SI: variants seen among roughly 807,000 people sequenced by gnomAD.
SI encodes sucrase-isomaltase, intestinal.
In SI, 235 loss-of-function variants were observed where a neutral mutation model predicts 253.3. That is an observed-to-expected ratio of 0.93 (90% CI 0.83 to 1.03). SI has a LOEUF of 1.03. Among genes scored for constraint, SI ranks in the 50% least tolerant of loss-of-function variants. The pLI, the probability that SI is intolerant of heterozygous loss-of-function variation, is 0.00. For missense variants in SI, 2,442 were observed against 2,211.1 expected (o/e 1.10, Z -2.09); for synonymous variants, 819 against 712.0 (o/e 1.15, Z -2.39).
intron 44 of SI, among the ~76,000 whole-genome samples, chr3:164,988,479 A>G (rs1379555224): frequency 6.6e-6 from 1 of 152,160 alleles, no homozygotes; most frequent in Non-Finnish European, 1.5e-5. Flanking sequence ...TCTCATAAAA[A>G]AATAAGGATT....
chr3:165,033,336 G>T lies in SI; in HGVS notation c.2565+59C>A, dbSNP rs541040355. 235 of 1,424,736 alleles carry T rather than the reference G, an allele frequency of 1.6e-4. 1 individual carries two copies. The highest frequency in any genetic ancestry group is 7.8e-4 in the Middle Eastern group (3 of 3,830). 88.3% of individuals were successfully genotyped at this position (1,424,736 alleles called of 1,614,324 possible). A position where few individuals can be genotyped will look rare whatever the true frequency, so the allele number is the denominator to read the frequency against. Reference sequence around the variant, plus strand: ...CTTTTCCAAAAAATTTATCATAAAAGAATAACCTAGGCATGAACAAATTAT... The same window carrying T: ...CTTTTCCAAAAAATTTATCATAAAATAATAACCTAGGCATGAACAAATTAT... On this transcript the variant is annotated intron_variant, in intron 23 of 47. Transcript: ENST00000264382.
In SI at chr3:165,023,733, T is replaced by C; in HGVS notation, c.2936A>G (p.Gln979Arg). The change falls in exon 26 of 48, where the codon CAA becomes CGA. Residue 979 changes from glutamine (Q) to arginine (R), a missense_variant. Transcript: ENST00000264382. ...SKAPECYFPR[Q>R]DNSYSVNSAR... ...TGAGTTGACTGAATAAGAGTTATCT[T>C]GTCTGGGAAAGTAACACTCAGGTGC... 6.2e-7 allele frequency: 1 copy of C among 1,610,644 alleles called. No individual in the cohort carries two copies. The highest frequency in any genetic ancestry group is 8.5e-7 in the Non-Finnish European group (1 of 1,177,770).
chr3:165,034,834 C>T (rs951645709), intron 22 of SI, among the ~76,000 whole-genome samples: 4 of 151,956 alleles, frequency 2.6e-5, no homozygotes, highest in Admixed American at 2.6e-4. Context: ...GATGCAATTA[C>T]TGGAATCACC....
intron 16 of SI, among the ~76,000 whole-genome samples, chr3:165,044,258 G>A (rs1260104737): frequency 6.6e-6 from 1 of 151,928 alleles, no homozygotes; most frequent in Non-Finnish European, 1.5e-5. Flanking sequence ...ACCCTGTATA[G>A]ATATCCTTGT....
At chr3:165,070,490 C>G (rs948620410) in intron 3 of SI, among the ~76,000 whole-genome samples, 2 of 150,818 alleles carry the variant, frequency 1.3e-5, no homozygotes, top group East Asian at 3.9e-4. Context: ...GTGTGTGCAA[C>G]TTTTGATCAG....
At chr3:165,077,043 A>G (rs144224230) in intron 1 of SI, among the ~76,000 whole-genome samples, 222 of 145,306 alleles carry the variant, frequency 1.5e-3, no homozygotes, top group African/African-American at 5.3e-3. Flanking sequence ...TCATGTACCC[A>G]GTTGTCCCAA....
At chr3:165,016,764 T>C (rs1719049976) in intron 31 of SI, among the ~76,000 whole-genome samples, 1 of 151,942 alleles carries the variant, frequency 6.6e-6, no homozygotes, top group Admixed American at 6.6e-5. Context: ...CAATTTCTTC[T>C]TCTATGTGTT....
intron 45 of SI, 41 bp from the exon 46 acceptor site, chr3:164,983,092 A>G (rs1016559838): frequency 1.3e-6 from 2 of 1,515,876 alleles, no homozygotes; most frequent in Admixed American, 3.5e-5. Context: ...TGTTATTTCC[A>G]AAGAAGAACC....
chr3:164,984,986 C>A (rs1456651400), intron 45 of SI, among the ~76,000 whole-genome samples: 1 of 151,994 alleles, frequency 6.6e-6, no homozygotes, highest in African/African-American at 2.4e-5. Context: ...CTAAATTATA[C>A]CAAATATACT....
intron 7 of SI, 29 bp from the exon 8 acceptor site, chr3:165,063,570 T>A: frequency 2.1e-6 from 2 of 967,282 alleles, no homozygotes; most frequent in Non-Finnish European, 3.3e-6. Flanking sequence ...AAAATACGAT[T>A]TTCAAATATG....
chr3:165,025,043 T>C (rs1711832812), intron 25 of SI, among the ~76,000 whole-genome samples: 1 of 151,202 alleles, frequency 6.6e-6, no homozygotes, highest in Non-Finnish European at 1.5e-5. Flanking sequence ...CCCAGCATGT[T>C]ATTTCCAACC....
At chr3:165,054,029 C>T (rs933090814) in intron 13 of SI, among the ~76,000 whole-genome samples, 1 of 151,968 alleles carries the variant, frequency 6.6e-6, no homozygotes, top group African/African-American at 2.4e-5. Flanking sequence ...TAATCCTTTA[C>T]CCAAATCCAT....
At chr3:164,989,779 A>G (rs1177270690) in intron 44 of SI, among the ~76,000 whole-genome samples, 2 of 152,214 alleles carry the variant, frequency 1.3e-5, no homozygotes, top group African/African-American at 2.4e-5. Flanking sequence ...CAACCCAGGT[A>G]TCTCATGGAG....
At chr3:165,047,837 A>G (rs1033632300) in intron 15 of SI, among the ~76,000 whole-genome samples, 2 of 51,248 alleles carry the variant, frequency 3.9e-5, no homozygotes, top group Non-Finnish European at 7.8e-5. Context: ...TTACATAATT[A>G]AGAAGATTTT....
intron 1 of SI, 133 bp from the exon 2 acceptor site, chr3:165,076,145 T>C (rs1714959504): frequency 5.2e-6 from 3 of 575,988 alleles, no homozygotes; most frequent in Non-Finnish European, 8.2e-6. Flanking sequence ...ACTTACATAA[T>C]ATCCTAAATT....
intron 17 of SI, among the ~76,000 whole-genome samples, chr3:165,041,451 G>A (rs984702224): frequency 6.6e-6 from 1 of 151,970 alleles, no homozygotes; most frequent in Non-Finnish European, 1.5e-5. Context: ...AGTGAAGGTG[G>A]AGGGTGCCTA....
chr3:165,008,123 T>C, intron 35 of SI, 125 bp from the exon 36 acceptor site: 1 of 514,614 alleles, frequency 1.9e-6, no homozygotes, highest in Non-Finnish European at 3.6e-6. Flanking sequence ...CTCACTATTC[T>C]AAACAAACAA....
chr3:165,030,906 A>G (rs1176524856), intron 24 of SI, 39 bp from the exon 25 acceptor site: 5 of 1,531,702 alleles, frequency 3.3e-6, no homozygotes, highest in Non-Finnish European at 4.4e-6. Flanking sequence ...AAAGAAAAAA[A>G]AAACACAAAC....
rs1230050752 is a variant in SI at position 165,015,937 on chromosome 3, A to T, written c.3888+15T>A. On this transcript the variant is annotated intron_variant, in intron 32 of 47. Transcript: ENST00000264382. The stretch of plus-strand genomic sequence containing the variant: ...GAAACAAGAAATAAGACTCAGGTAA[A>T]CTCCAAGTACTGACCAGGATAATAA... 6.2e-7 allele frequency: 1 copy of T among 1,603,546 alleles called. No individual in the cohort carries two copies. The highest frequency in any genetic ancestry group is 2.2e-5 in the East Asian group (1 of 44,708).
Sources: allele counts gnomAD v4.1 joint callset (sites outside exome capture counted in the v4.1 genomes callset), GRCh38; gene constraint gnomAD v4.1.1; transcripts MANE v1.5; gene names NCBI Gene and HGNC (gene_info 2026-07-23, HGNC 2026-07-21).